The following UBR4 variants were observed in gnomAD, a reference collection of about 807,000 sequenced individuals.
The protein encoded by UBR4 is ubiquitin protein ligase E3 component n-recognin 4, also known as E3 ubiquitin-protein ligase UBR4.
UBR4 carries 124 observed loss-of-function variants against 575.6 expected under a neutral mutation model. The ratio of observed to expected loss-of-function variants is 0.22; its 90% confidence interval spans 0.19 to 0.25. The LOEUF is 0.25. UBR4 is among the 10% of genes least tolerant of loss of function. The pLI is 1.00. For missense variants in UBR4, 4,818 were observed against 6,478.8 expected (o/e 0.74, Z 8.80); for synonymous variants, 2,455 against 2,473.7 (o/e 0.99, Z 0.22).
intron 17 of UBR4, among the ~76,000 whole-genome samples, chr1:19,181,627 T>C (rs1206084407): frequency 1.3e-5 from 2 of 152,200 alleles, no homozygotes; most frequent in East Asian, 1.9e-4. Flanking sequence ...TCAGTGTCTA[T>C]AATAGTACCT....
At position 19,118,971 on chromosome 1, in the gene UBR4, C is replaced by G. The variant is rs2080884559; in HGVS notation, c.10456-14G>C. ...ATACTCCTTCAACTGAAACAGAATT[C>G]AGTAAAGAAACAACTTAAAGCCCAA... On this transcript the variant is annotated splice_polypyrimidine_tract_variant and intron_variant, in intron 70 of 105. Coordinates refer to ENST00000375254, the MANE Select transcript of UBR4 (RefSeq NM_020765.3). 2 of 1,613,506 alleles carry G rather than the reference C, an allele frequency of 1.2e-6. No homozygotes were observed. Among genetic ancestry groups the G allele is most frequent in the African/African-American group, 2.7e-5 (2 of 74,904 alleles).
chr1:19,088,704 ACCT>A lies in UBR4; in HGVS notation c.14430+52_14430+54del. 3 of 1,585,100 alleles carry A rather than the reference ACCT, an allele frequency of 1.9e-6. No individual in the cohort carries two copies. The highest frequency in any genetic ancestry group is 2.6e-6 in the Non-Finnish European group (3 of 1,157,394). ...CCAACCCCAGGGCTGTCCCATGGCCACCTCCTCATCAACAGTGTGGGCAGAAAT... is the reference window on the plus strand; with the variant it reads ...CCAACCCCAGGGCTGTCCCATGGCCACCTCATCAACAGTGTGGGCAGAAAT... On this transcript the variant is annotated intron_variant, in intron 98 of 105. Transcript: ENST00000375254. This position sits in a 1 kb window ranked among gnomAD's most constrained non-coding sequence, Gnocchi z 4.0.
chr1:19,099,111 CCCT>C (rs1224500545), intron 90 of UBR4, among the ~76,000 whole-genome samples: 1 of 152,160 alleles, frequency 6.6e-6, no homozygotes, highest in African/African-American at 2.4e-5. Context: ...TTCCCTTTTC[CCCT>C]CCTCAAGAAT....
chr1:19,155,317 GA>G (rs1369617088), intron 43 of UBR4, 123 bp downstream of exon 43: 20 of 1,140,004 alleles, frequency 1.8e-5, no homozygotes, highest in Admixed American at 8.4e-5. Flanking sequence ...CAAAGAAAAA[GA>G]AAAAAAGATC....
chr1:19,170,927 C>T (rs750693338), intron 25 of UBR4, 44 bp from the exon 26 acceptor site: 2 of 1,613,432 alleles, frequency 1.2e-6, no homozygotes, highest in South Asian at 1.1e-5. Flanking sequence ...AGATTCTAAT[C>T]CCACCAGTTA....
At chr1:19,177,828 T>C in intron 18 of UBR4, 85 bp from the exon 19 acceptor site, 1 of 1,434,404 alleles carries the variant, frequency 7.0e-7, no homozygotes, top group South Asian at 1.4e-5. Context: ...AAGAGTTAAA[T>C]TTCCTAAACC....
In UBR4 at chr1:19,104,192, T is replaced by A; in HGVS notation, c.12793A>T (p.Thr4265Ser). ...KRHFKSRLVG[T>S]VLNGYLCLRK... Reference sequence around the variant, plus strand: ...AAGCACAGGTATCCATTCAGCACAGTACCCACCAAGCGACTTTTAAAATGT... The same window carrying A: ...AAGCACAGGTATCCATTCAGCACAGAACCCACCAAGCGACTTTTAAAATGT... Residue 4265 changes from threonine to serine, a missense_variant, in exon 87 of 106, where the codon ACT (threonine) becomes TCT (serine). By Grantham distance (58) the Thr-to-Ser change is moderately conservative. Around this residue, in one of 29 missense-constraint regions of UBR4, gnomAD observed 105 missense variants for 232.8 expected, o/e 0.45. Coordinates refer to ENST00000375254, the MANE Select transcript of UBR4 (RefSeq NM_020765.3). 6.2e-7 allele frequency: 1 copy of A among 1,614,234 alleles called. No homozygotes were observed. The highest frequency in any genetic ancestry group is 8.5e-7 in the Non-Finnish European group (1 of 1,180,046).
At chr1:19,126,161 C>T (rs904370844) in intron 64 of UBR4, among the ~76,000 whole-genome samples, 5 of 152,164 alleles carry the variant, frequency 3.3e-5, no homozygotes, top group Non-Finnish European at 7.3e-5. Flanking sequence ...CAACTCATGA[C>T]ATTAGCTTGT....
chr1:19,095,537 C>T lies in UBR4; in HGVS notation c.13626+8G>A. The T allele has an allele frequency of 6.2e-7, 1 of 1,613,312 alleles. No homozygotes were observed. The highest frequency in any genetic ancestry group is 8.5e-7 in the Non-Finnish European group (1 of 1,179,748). On this transcript the variant is annotated splice_region_variant and intron_variant, in intron 93 of 105. Transcript: ENST00000375254. Reference sequence around the variant, plus strand: ...CACTCTTCTTCACCTGCAGTCCATGCTCCTTACCAGGTTTAGGGTCCCCAG... The same window carrying T: ...CACTCTTCTTCACCTGCAGTCCATGTTCCTTACCAGGTTTAGGGTCCCCAG...
chr1:19,177,342 A>G, intron 19 of UBR4, 119 bp downstream of exon 19: 1 of 1,296,420 alleles, frequency 7.7e-7, no homozygotes, highest in Non-Finnish European at 1.1e-6. Flanking sequence ...CTACCCATCA[A>G]CCTACCAAAA....
intron 78 of UBR4, among the ~76,000 whole-genome samples, chr1:19,111,428 C>T (rs1166260493): frequency 1.3e-5 from 2 of 152,192 alleles, no homozygotes; most frequent in Admixed American, 6.5e-5. Context: ...TCCAGCTACA[C>T]GGGTTCCTTG....
At position 19,187,429 on chromosome 1, in the gene UBR4, T is replaced by A. The variant is rs886558262; in HGVS notation, c.1494+12A>T. 6.2e-7 allele frequency: 1 copy of A among 1,613,894 alleles called. No homozygotes were observed. Among genetic ancestry groups the A allele is most frequent in the Admixed American group, 1.7e-5 (1 of 59,996 alleles). ...ATCAATATGCTGATTACCATGGGGA[T>A]AACCTCCTCACCTTGTGAAGGGCCT... is the stretch of plus-strand genomic sequence containing the variant. On this transcript the variant is annotated intron_variant, in intron 12 of 105. Coordinates refer to ENST00000375254, the MANE Select transcript of UBR4 (RefSeq NM_020765.3).
chr1:19,119,055 G>T, intron 70 of UBR4, 98 bp from the exon 71 acceptor site: 2 of 982,330 alleles, frequency 2.0e-6, no homozygotes, highest in Non-Finnish European at 1.6e-6. Flanking sequence ...TACTGCCCTA[G>T]ACCTACCAGA....
intron 18 of UBR4, among the ~76,000 whole-genome samples, chr1:19,178,826 T>C (rs745836529): frequency 6.6e-6 from 1 of 152,174 alleles, no homozygotes; most frequent in Non-Finnish European, 1.5e-5. Flanking sequence ...CATCGCATAA[T>C]TATAACCAAA....
chr1:19,190,584 T>C (rs1194560963), intron 11 of UBR4, among the ~76,000 whole-genome samples: 1 of 151,992 alleles, frequency 6.6e-6, no homozygotes, highest in Admixed American at 6.6e-5. Flanking sequence ...CTTCCCCATC[T>C]TCCCATTCAA....
At chr1:19,128,901 T>C in intron 61 of UBR4, 77 bp downstream of exon 61, 8 of 1,332,982 alleles carry the variant, frequency 6.0e-6, no homozygotes, top group Non-Finnish European at 8.6e-6. Context: ...TTCCAGGTCC[T>C]CTGGAAGAGA....
chr1:19,096,276 T>A (rs898410021), intron 92 of UBR4, among the ~76,000 whole-genome samples: 1 of 152,128 alleles, frequency 6.6e-6, no homozygotes, highest in African/African-American at 2.4e-5. Context: ...AGTGCAGCTA[T>A]TTGGGGAAAG....
chr1:19,080,569 C>G (rs1178113730), intron 103 of UBR4: 1 of 152,236 alleles, frequency 6.6e-6, no homozygotes, highest in Non-Finnish European at 1.5e-5. Flanking sequence ...CCCGATCTTC[C>G]AGAAATGAAG....
chr1:19,107,688 G>A (rs557347402), intron 81 of UBR4, among the ~76,000 whole-genome samples: 1 of 152,188 alleles, frequency 6.6e-6, no homozygotes, highest in East Asian at 1.9e-4. Flanking sequence ...AGGGGGCTGA[G>A]GCAGGAGGAT....
Sources: gnomAD v4.1 joint callset for allele counts (sites outside exome capture counted in the v4.1 genomes callset) on GRCh38, gnomAD v4.1.1 for gene constraint, gnomAD v4.1.1 regional missense constraint, Gnocchi (gnomAD v3.1) non-coding constraint, MANE v1.5 for transcripts, NCBI Gene and HGNC (gene_info 2026-07-23, HGNC 2026-07-21) for gene names.